The following EDIL3 variants were observed in gnomAD, a reference collection of about 807,000 sequenced individuals.
The protein encoded by EDIL3 is EGF like and discoidin domains 3.
Under a neutral mutation model 67.4 loss-of-function variants are expected in EDIL3, and 37 were observed. That is an observed-to-expected ratio of 0.55 (90% CI 0.42 to 0.72). EDIL3 has a LOEUF of 0.72. Ranked by LOEUF, EDIL3 falls within the 30% of genes least tolerant of loss-of-function variation. The pLI is 0.00. For synonymous variants in EDIL3, 195 were observed against 196.3 expected (o/e 0.99, Z 0.05); for missense variants, 527 against 586.3 (o/e 0.90, Z 1.04).
intron 9 of EDIL3, among the ~76,000 whole-genome samples, chr5:84,037,782 GAACA>G (rs954880274): frequency 7.9e-5 from 12 of 151,974 alleles, no homozygotes; most frequent in African/African-American, 2.9e-4. Flanking sequence ...TTCCATGGCT[GAACA>G]AACAAAACAA....
chr5:84,329,407 T>C (rs1018061460), intron 1 of EDIL3, among the ~76,000 whole-genome samples: 1 of 152,112 alleles, frequency 6.6e-6, no homozygotes, highest in African/African-American at 2.4e-5. Flanking sequence ...ATGTAAGATA[T>C]ATGCTCCTTA....
chr5:84,351,433 A>G (rs1747359913), intron 1 of EDIL3, among the ~76,000 whole-genome samples: 1 of 152,146 alleles, frequency 6.6e-6, no homozygotes, highest in Non-Finnish European at 1.5e-5. Context: ...TGTAGGAAAT[A>G]CATAGTCCAA....
chr5:84,303,934 C>T (rs935563286), intron 1 of EDIL3, among the ~76,000 whole-genome samples: 6 of 150,406 alleles, frequency 4.0e-5, no homozygotes, highest in East Asian at 2.0e-4. Context: ...CTATATATAC[C>T]GTTTTACAGC....
chr5:84,100,871 C>T (rs923819593), intron 6 of EDIL3, among the ~76,000 whole-genome samples: 2 of 151,930 alleles, frequency 1.3e-5, no homozygotes, highest in East Asian at 1.9e-4. Flanking sequence ...TCCTGTTATG[C>T]TATTCCATTT....
chr5:84,150,364 G>A (rs1748367984), intron 4 of EDIL3, among the ~76,000 whole-genome samples: 1 of 151,976 alleles, frequency 6.6e-6, no homozygotes, highest in South Asian at 2.1e-4. Flanking sequence ...ACCACAGATT[G>A]GGAGAACATA....
intron 4 of EDIL3, among the ~76,000 whole-genome samples, chr5:84,174,455 G>A (rs1007406083): frequency 2.6e-5 from 4 of 152,180 alleles, no homozygotes; most frequent in Non-Finnish European, 5.9e-5. Flanking sequence ...AACAATAGAT[G>A]GTTATGGAAT....
At chr5:84,327,953 C>A (rs535943811) in intron 1 of EDIL3, among the ~76,000 whole-genome samples, 1 of 152,100 alleles carries the variant, frequency 6.6e-6, no homozygotes, top group South Asian at 2.1e-4. Flanking sequence ...GAAGTCTTAC[C>A]AGCATACAGA....
At chr5:84,218,781 T>C (rs1744282222) in intron 3 of EDIL3, among the ~76,000 whole-genome samples, 1 of 152,198 alleles carries the variant, frequency 6.6e-6, no homozygotes, top group Non-Finnish European at 1.5e-5. Flanking sequence ...CAGGCAGTAC[T>C]CACTGTGAGC....
chr5:83,971,180 A>T (rs1744784824), intron 9 of EDIL3, among the ~76,000 whole-genome samples: 1 of 151,738 alleles, frequency 6.6e-6, no homozygotes, highest in Admixed American at 6.6e-5. Flanking sequence ...ATTTCAGGGA[A>T]ATTGGAAAAA....
At chr5:84,148,324 C>T (rs1748324065) in intron 4 of EDIL3, among the ~76,000 whole-genome samples, 1 of 152,066 alleles carries the variant, frequency 6.6e-6, no homozygotes, top group Non-Finnish European at 1.5e-5. Context: ...AAATATTCTA[C>T]AGAAGAGTAG....
At chr5:84,074,139 A>G (rs1405532121) in intron 6 of EDIL3, among the ~76,000 whole-genome samples, 2 of 151,792 alleles carry the variant, frequency 1.3e-5, no homozygotes, top group African/African-American at 2.4e-5. Context: ...AAAACTGGCT[A>G]GCCATATGTA....
In EDIL3 at chr5:84,131,197, T is replaced by A. The variant is rs183628851; in HGVS notation, c.469+6044A>T. Among the ~76,000 whole-genome samples, 85 of 152,276 alleles carry A rather than the reference T, an allele frequency of 5.6e-4. 3 individuals are homozygous for A. In the East Asian group the frequency reaches 0.015, roughly 27 times the overall value. On this transcript the variant is annotated intron_variant, in intron 5 of 10. Transcript: ENST00000296591. ...TGACCTAGGTGTTTTACTAGGTATT[T>A]TAGGTATTTTACATATGCTATGAAT... is the stretch of plus-strand genomic sequence containing the variant.
At chr5:84,373,820 T>C (rs988606630) in intron 1 of EDIL3, among the ~76,000 whole-genome samples, 7 of 152,098 alleles carry the variant, frequency 4.6e-5, no homozygotes, top group African/African-American at 1.7e-4. Flanking sequence ...AGACAGAAAC[T>C]CTGAGAAATT....
At position 84,228,771 on chromosome 5, in the gene EDIL3, C is replaced by T. The variant is rs761480683; in HGVS notation, c.226+1084G>A. Among the ~76,000 whole-genome samples the T allele has an allele frequency of 2.6e-5, 4 of 152,040 alleles. No homozygotes were observed. In the East Asian group the frequency reaches 7.7e-4, roughly 29 times the overall value. Reference sequence around the variant, plus strand: ...TGAATTTACTCCTACAGGTAAAATCCTTGTCCAGTTTTGCACAGAGATAGA... The same window carrying T: ...TGAATTTACTCCTACAGGTAAAATCTTTGTCCAGTTTTGCACAGAGATAGA... On this transcript the variant is annotated intron_variant, in intron 3 of 10. Coordinates refer to ENST00000296591, the MANE Select transcript of EDIL3 (RefSeq NM_005711.5).
At chr5:84,250,931 C>T (rs557081278) in intron 2 of EDIL3, among the ~76,000 whole-genome samples, 458 of 152,200 alleles carry the variant, frequency 3.0e-3, no homozygotes, top group Middle Eastern at 0.017. Flanking sequence ...AGGAAAAATA[C>T]AGACTAGTGA....
intron 1 of EDIL3, among the ~76,000 whole-genome samples, chr5:84,262,632 A>T (rs1013316737): frequency 2.1e-5 from 3 of 140,534 alleles, no homozygotes; most frequent in Non-Finnish European, 3.1e-5. Context: ...AAATTCAACC[A>T]TAAACTACAA....
chr5:84,198,082 G>A (rs770787456), intron 3 of EDIL3, among the ~76,000 whole-genome samples: 12 of 151,984 alleles, frequency 7.9e-5, no homozygotes, highest in Non-Finnish European at 1.8e-4. Flanking sequence ...GCAATCAGAG[G>A]ACTTGTAGAT....
intron 9 of EDIL3, among the ~76,000 whole-genome samples, chr5:84,056,132 C>T (rs1224271622): frequency 6.6e-6 from 1 of 152,208 alleles, no homozygotes; most frequent in East Asian, 1.9e-4. Flanking sequence ...CCATGGAATA[C>T]TAGGCAGCCA....
chr5:84,365,657 TATATC>T (rs1041211401), intron 1 of EDIL3, among the ~76,000 whole-genome samples: 24 of 152,214 alleles, frequency 1.6e-4, no homozygotes, highest in Admixed American at 5.2e-4. Context: ...AATAAAAACA[TATATC>T]ATATCAATTC....
Sources: allele counts gnomAD v4.1 joint callset (sites outside exome capture counted in the v4.1 genomes callset), GRCh38; gene constraint gnomAD v4.1.1; transcripts MANE v1.5; gene names NCBI Gene and HGNC (gene_info 2026-07-23, HGNC 2026-07-21).